Variants in LEMD3 observed in about 807,000 individuals in gnomAD.
The protein encoded by LEMD3 is LEM domain containing 3.
Under a neutral mutation model 95.2 loss-of-function variants are expected in LEMD3, and 33 were observed. That is an observed-to-expected ratio of 0.35 (90% CI 0.26 to 0.46). The LOEUF is 0.46. LEMD3 is among the 20% of genes least tolerant of loss of function. LEMD3 has a pLI of 1.00. For synonymous variants in LEMD3, 525 were observed against 474.6 expected (o/e 1.11, Z -1.38); for missense variants, 1,210 against 1,192.8 (o/e 1.01, Z -0.21).
rs141789861 is a variant in LEMD3 at position 65,215,151 on chromosome 12, G to A, written c.1561-826G>A. On this transcript the variant is annotated intron_variant, in intron 2 of 12. Coordinates refer to ENST00000308330, the MANE Select transcript of LEMD3 (RefSeq NM_014319.5). ...TAGTAGTTTGCAGAATCAAACAAGG[G>A]CTACTGGTTATGTAAGAAATATAAC... Among the ~76,000 whole-genome samples the A allele has an allele frequency of 3.1e-3, 479 of 152,256 alleles. 2 individuals carry two copies. Among genetic ancestry groups the A allele is most frequent in the African/African-American group, 0.011 (452 of 41,538 alleles).
chr12:65,177,653 TTTTTAATGTGTTGTTG>T (rs1262345315), intron 1 of LEMD3, among the ~76,000 whole-genome samples: 1 of 152,168 alleles, frequency 6.6e-6, no homozygotes, highest in Non-Finnish European at 1.5e-5. Context: ...AATGTTTGTT[TTTTTAATGTGTTGTTG>T]TTTTCTTTAA....
chr12:65,210,573 C>T (rs1225573640), intron 1 of LEMD3, among the ~76,000 whole-genome samples: 1 of 152,010 alleles, frequency 6.6e-6, no homozygotes, highest in Non-Finnish European at 1.5e-5. Flanking sequence ...TCATTGTTAT[C>T]CATACTCCTT....
chr12:65,189,704 A>G (rs1869178722), intron 1 of LEMD3, among the ~76,000 whole-genome samples: 1 of 152,220 alleles, frequency 6.6e-6, no homozygotes, highest in African/African-American at 2.4e-5. Flanking sequence ...ATTTGTTTGC[A>G]AAATAGGTCT....
chr12:65,244,920 C>T (rs1871051891), intron 10 of LEMD3, among the ~76,000 whole-genome samples: 1 of 152,030 alleles, frequency 6.6e-6, no homozygotes, highest in Admixed American at 6.5e-5. Context: ...CACTGCACTC[C>T]AGCCTGGGTG....
At chr12:65,188,063 A>T (rs1360549345) in intron 1 of LEMD3, among the ~76,000 whole-genome samples, 5 of 152,114 alleles carry the variant, frequency 3.3e-5, no homozygotes, top group Non-Finnish European at 7.4e-5. Context: ...TTCAAATTTT[A>T]TGAATCAAGT....
chr12:65,223,755 T>C (rs116342299), intron 4 of LEMD3, among the ~76,000 whole-genome samples: 2,335 of 152,030 alleles, frequency 0.015, 27 homozygotes, highest in Middle Eastern at 0.041. Context: ...AGGACTTATA[T>C]TGCCTTTTTT....
chr12:65,210,576 T>C (rs1869906565), intron 1 of LEMD3, among the ~76,000 whole-genome samples: 1 of 152,168 alleles, frequency 6.6e-6, no homozygotes, highest in Admixed American at 6.5e-5. Flanking sequence ...TTGTTATCCA[T>C]ACTCCTTTAA....
intron 1 of LEMD3, among the ~76,000 whole-genome samples, chr12:65,190,707 C>T (rs546894691): frequency 3.3e-5 from 5 of 152,276 alleles, no homozygotes; most frequent in Admixed American, 3.3e-4. Context: ...GACAGGACCT[C>T]CTGAGGCTGT....
At chr12:65,187,707 A>C (rs1266381489) in intron 1 of LEMD3, among the ~76,000 whole-genome samples, 3 of 152,094 alleles carry the variant, frequency 2.0e-5, no homozygotes, top group African/African-American at 7.2e-5. Context: ...AGCTCCTTGA[A>C]ATTATATGTA....
chr12:65,245,511 T>A (rs1871078985), intron 10 of LEMD3, 158 bp from the exon 11 acceptor site: 1 of 637,870 alleles, frequency 1.6e-6, no homozygotes, highest in Admixed American at 2.6e-5. Flanking sequence ...TAAATCTACC[T>A]CCTGTTAGTC....
intron 1 of LEMD3, among the ~76,000 whole-genome samples, chr12:65,207,356 G>C (rs541085726): frequency 6.6e-6 from 1 of 152,154 alleles, no homozygotes; most frequent in African/African-American, 2.4e-5. Context: ...TTGCAGTCTT[G>C]TTGGGGGTGG....
intron 1 of LEMD3, among the ~76,000 whole-genome samples, chr12:65,178,075 G>T (rs1868782869): frequency 6.6e-6 from 1 of 151,750 alleles, no homozygotes; most frequent in East Asian, 1.9e-4. Flanking sequence ...TGAACTCCTG[G>T]GCTCAAGCGA....
chr12:65,171,145 T>G, intron 1 of LEMD3, 27 bp downstream of exon 1: 1 of 1,604,802 alleles, frequency 6.2e-7, no homozygotes. Flanking sequence ...GTGGGTAAGG[T>G]AACAAAGAGA....
intron 1 of LEMD3, among the ~76,000 whole-genome samples, chr12:65,204,049 C>G (rs892189076): frequency 1.3e-5 from 2 of 152,102 alleles, no homozygotes; most frequent in South Asian, 4.1e-4. Context: ...TTCTTACAGA[C>G]AACTTATACT....
In LEMD3 at chr12:65,170,677, G is replaced by T. The variant is rs1868512114; in HGVS notation, c.1081G>T (p.Ala361Ser). ...CCCCGTTCCTAGATACCGTGTTAACGCTAAGAAACTGACCCCTCTCCTGCC... is the reference window on the plus strand; with the variant it reads ...CCCCGTTCCTAGATACCGTGTTAACTCTAAGAAACTGACCCCTCTCCTGCC... ...SSPVPRYRVNAKKLTPLLPPP... is the reference protein window; with the variant it reads ...SSPVPRYRVNSKKLTPLLPPP... The change falls in exon 1 of 13, where the codon GCT becomes TCT. Residue 361 changes from alanine to serine, a missense_variant. By Grantham distance (99) the Ala-to-Ser change is moderately conservative. Coordinates refer to ENST00000308330, the MANE Select transcript of LEMD3 (RefSeq NM_014319.5). 1.2e-6 allele frequency: 2 copies of T among 1,614,164 alleles called. No individual in the cohort carries two copies. Among genetic ancestry groups the T allele is most frequent in the Non-Finnish European group, 1.7e-6 (2 of 1,180,028 alleles).
chr12:65,240,766 A>T, intron 8 of LEMD3, 143 bp from the exon 9 acceptor site: 1 of 713,150 alleles, frequency 1.4e-6, no homozygotes, highest in Non-Finnish European at 2.4e-6. Flanking sequence ...CTGAGATGAG[A>T]TATAGGCATC....
At chr12:65,188,199 A>G (rs1175921954) in intron 1 of LEMD3, among the ~76,000 whole-genome samples, 1 of 152,064 alleles carries the variant, frequency 6.6e-6, no homozygotes, top group Non-Finnish European at 1.5e-5. Flanking sequence ...CTCTTTTAAT[A>G]TTGGATAAAG....
chr12:65,169,776 C>A lies in LEMD3; in HGVS notation c.180C>A (p.Gly60=). The stretch of plus-strand genomic sequence containing the variant: ...AACAGCACCGGTCAGGGGGCCGCGG[C>A]AACAAGACGCGGAACAGTAATAACA... ...EQQQHRSGGR[G]NKTRNSNNNN... is the part of the protein sequence containing the mutation. The change falls in exon 1 of 13, where the codon GGC becomes GGA. Residue 60 remains glycine, a synonymous_variant. Transcript: ENST00000308330. 1 of 1,580,154 alleles carries A rather than the reference C, an allele frequency of 6.3e-7. No individual in the cohort carries two copies. Among genetic ancestry groups the A allele is most frequent in the Non-Finnish European group, 8.6e-7 (1 of 1,162,324 alleles).
intron 4 of LEMD3, among the ~76,000 whole-genome samples, chr12:65,237,174 G>A (rs183206773): frequency 3.2e-4 from 48 of 152,152 alleles, no homozygotes; most frequent in African/African-American, 1.1e-3. Context: ...TTAACGTAAT[G>A]TATTTTTATG....
Sources: gnomAD v4.1 joint callset for allele counts (sites outside exome capture counted in the v4.1 genomes callset) on GRCh38, gnomAD v4.1.1 for gene constraint, MANE v1.5 for transcripts, NCBI Gene and HGNC (gene_info 2026-07-23, HGNC 2026-07-21) for gene names.